The following CDH12 variants were observed in gnomAD, a reference collection of about 807,000 sequenced individuals.
The protein encoded by CDH12 is cadherin-12.
A neutral mutation model predicts 74.1 loss-of-function variants in CDH12; 41 were observed. That is an observed-to-expected ratio of 0.55 (90% CI 0.43 to 0.72). CDH12 has a LOEUF of 0.72. Among genes scored for constraint, CDH12 ranks in the 30% least tolerant of loss-of-function variants. CDH12 has a pLI of 0.00. For synonymous variants in CDH12, 399 were observed against 355.0 expected, an observed-to-expected ratio of 1.12 and a Z score of -1.39; for missense variants, 945 against 977.2, an observed-to-expected ratio of 0.97 and a Z score of 0.44.
rs1220260334 is a variant in CDH12 at position 21,840,438 on chromosome 5, T to G, written c.814+1723A>C. The stretch of plus-strand genomic sequence containing the variant: ...AACCCTGAAGATTTGTAATTTTTTT[T>G]TTTTTAGATTCAATACCATCCCCAT... On this transcript the variant is annotated intron_variant, in intron 8 of 14. Transcript: ENST00000382254. 2.6e-5 allele frequency among the ~76,000 whole-genome samples: 4 copies of G among 152,172 alleles called. No homozygotes were observed. The East Asian group carries it at 7.7e-4, about 29-fold the overall frequency.
At chr5:22,678,044 T>TGGG (rs61039186) in intron 1 of CDH12, among the ~76,000 whole-genome samples, 8 of 135,078 alleles carry the variant, frequency 5.9e-5, no homozygotes, top group East Asian at 2.3e-4. Context: ...ACCATCCTCA[T>TGGG]GGGGGGGGGG....
rs1235403613 is a variant in CDH12, at chr5:22,655,848, G to T, written c.-522-150484C>A. Among the ~76,000 whole-genome samples the T allele has an allele frequency of 2.0e-5, 3 of 152,172 alleles. No individual in the cohort carries two copies. In the East Asian group the frequency reaches 5.8e-4, roughly 29 times the overall value. On this transcript the variant is annotated intron_variant, in intron 1 of 14. Transcript: ENST00000382254. ...GAATTTTAACTAAGTCTGACCATAA[G>T]TGTGTATTCTTCATATGACTTAATT...
At chr5:22,307,020 T>C (rs1292606218) in intron 3 of CDH12, among the ~76,000 whole-genome samples, 1 of 152,198 alleles carries the variant, frequency 6.6e-6, no homozygotes, top group African/African-American at 2.4e-5. Flanking sequence ...ACTAAGTGGC[T>C]TTTAGAGTGG....
intron 4 of CDH12, among the ~76,000 whole-genome samples, chr5:22,189,668 A>G (rs6866826): frequency 0.01 from 1,528 of 152,330 alleles, 26 homozygotes; most frequent in African/African-American, 0.035. Flanking sequence ...ATTTGTTAAA[A>G]ATTTGCAGCT....
intron 10 of CDH12, among the ~76,000 whole-genome samples, chr5:21,801,092 T>C (rs779378152): frequency 6.6e-6 from 1 of 152,166 alleles, no homozygotes; most frequent in Admixed American, 6.5e-5. Context: ...TTCATGTAAT[T>C]ATAGGTGATG....
intron 2 of CDH12, among the ~76,000 whole-genome samples, chr5:22,424,149 G>T (rs1018425733): frequency 6.6e-6 from 1 of 151,492 alleles, no homozygotes. Flanking sequence ...ACCAGATGTG[G>T]TAGGCTGTAC....
chr5:22,786,851 TG>T (rs1490138830), intron 1 of CDH12, among the ~76,000 whole-genome samples: 1 of 152,048 alleles, frequency 6.6e-6, no homozygotes, highest in East Asian at 1.9e-4. Flanking sequence ...CCCAAGTAGC[TG>T]GGACTACAGA....
At chr5:22,120,479 A>G (rs1745444061) in intron 4 of CDH12, among the ~76,000 whole-genome samples, 1 of 152,192 alleles carries the variant, frequency 6.6e-6, no homozygotes, top group Non-Finnish European at 1.5e-5. Flanking sequence ...GAGAAACACC[A>G]CTATAATAAA....
At chr5:22,594,942 C>T (rs1334084643) in intron 1 of CDH12, among the ~76,000 whole-genome samples, 4 of 152,068 alleles carry the variant, frequency 2.6e-5, no homozygotes, top group South Asian at 2.1e-4. Flanking sequence ...GTGTAACACT[C>T]GGCACAGTTT....
In CDH12 at chr5:22,815,281, T is replaced by C. The variant is rs568758140; in HGVS notation, c.-523+37777A>G. ...ACAGTAGAAGTTAAGTGGATTATTC[T>C]TTCTTTTGATGCTCTCCTATACTCG... On this transcript the variant is annotated intron_variant, in intron 1 of 14. Coordinates refer to ENST00000382254, the MANE Select transcript of CDH12 (RefSeq NM_004061.5). Among the ~76,000 whole-genome samples the C allele has an allele frequency of 2.0e-5, 3 of 152,300 alleles. No individual in the cohort carries two copies. The South Asian group carries it at 6.2e-4, about 32-fold the overall frequency.
chr5:21,771,974 T>C (rs956228394), intron 11 of CDH12, among the ~76,000 whole-genome samples: 1 of 152,170 alleles, frequency 6.6e-6, no homozygotes, highest in African/African-American at 2.4e-5. Flanking sequence ...TTCAATGTTA[T>C]TGCTGATCAG....
intron 1 of CDH12, among the ~76,000 whole-genome samples, chr5:22,767,694 C>T (rs1746592711): frequency 6.6e-6 from 1 of 151,928 alleles, no homozygotes; most frequent in Non-Finnish European, 1.5e-5. Flanking sequence ...TATACCCAGC[C>T]ACCTGCAGTG....
At chr5:22,013,575 G>T (rs1259178347) in intron 5 of CDH12, among the ~76,000 whole-genome samples, 2 of 152,154 alleles carry the variant, frequency 1.3e-5, no homozygotes, top group African/African-American at 2.4e-5. Flanking sequence ...TGAATTTGAG[G>T]TGCAGGAACA....
At chr5:21,943,001 TA>T (rs1285106292) in intron 6 of CDH12, among the ~76,000 whole-genome samples, 1 of 152,162 alleles carries the variant, frequency 6.6e-6, no homozygotes, top group Non-Finnish European at 1.5e-5. Context: ...CAGTTTCCCC[TA>T]GATGTTCTCA....
At chr5:21,825,834 C>A (rs912107868) in intron 8 of CDH12, among the ~76,000 whole-genome samples, 1 of 152,180 alleles carries the variant, frequency 6.6e-6, no homozygotes, top group Admixed American at 6.5e-5. Flanking sequence ...TTTCCTCCCA[C>A]CTTGCAGCTC....
chr5:22,079,581 T>G (rs986566382), intron 4 of CDH12, among the ~76,000 whole-genome samples: 2 of 152,160 alleles, frequency 1.3e-5, no homozygotes, highest in Non-Finnish European at 2.9e-5. Context: ...AAATTTTCTT[T>G]AAAAATGTTT....
chr5:21,880,616 C>CTTCCTTCTTTCTCTCTTTCTTTCT (rs758455941), intron 6 of CDH12, among the ~76,000 whole-genome samples: 1 of 50,810 alleles, frequency 2.0e-5, no homozygotes, highest in African/African-American at 8.8e-5. Context: ...TCCTTCCTTC[C>CTTCCTTCTTTCTCTCTTTCTTTCT]TTCTTTCTTT....
rs561549029 is a variant in CDH12 at position 22,424,690 on chromosome 5, G to C, written c.-427-19339C>G. Among the ~76,000 whole-genome samples the C allele has an allele frequency of 5.1e-4, 78 of 152,136 alleles. 1 individual carries two copies. The highest frequency in any genetic ancestry group is 6.5e-4 in the Non-Finnish European group (44 of 68,004). On this transcript the variant is annotated intron_variant, in intron 2 of 14. Coordinates refer to ENST00000382254, the MANE Select transcript of CDH12 (RefSeq NM_004061.5). ...CTTACAAATAATTGTATTATTCTTT[G>C]CTCATGAGATTCCTTCGTTTTGAAT... is the stretch of plus-strand genomic sequence containing the variant.
chr5:22,249,075 C>T (rs10079277), intron 3 of CDH12, among the ~76,000 whole-genome samples: 148,699 of 152,236 alleles, frequency 0.98, 72,707 homozygotes, highest in Non-Finnish European at 1. Context: ...TGCAATTTTT[C>T]TGTGAATACC....
Sources: allele counts gnomAD v4.1 joint callset (sites outside exome capture counted in the v4.1 genomes callset), GRCh38; gene constraint gnomAD v4.1.1; transcripts MANE v1.5; gene names NCBI Gene and HGNC (gene_info 2026-07-23, HGNC 2026-07-21).